The following DPYD variants were observed in gnomAD, a reference collection of about 807,000 sequenced individuals.
The protein encoded by DPYD is dihydropyrimidine dehydrogenase [NADP(+)].
DPYD carries 109 observed loss-of-function variants against 116.2 expected under a neutral mutation model. The ratio of observed to expected loss-of-function variants is 0.94; its 90% CI spans 0.80 to 1.10. DPYD has a LOEUF of 1.10. Among genes scored for constraint, DPYD ranks in the 50% least tolerant of loss-of-function variants. The pLI, the probability that DPYD is intolerant of heterozygous loss-of-function variation, is 0.00. For synonymous variants in DPYD, 440 were observed against 432.0 expected, an observed-to-expected ratio of 1.02 and a Z score of -0.23; for missense variants, 1,302 against 1,254.5, an observed-to-expected ratio of 1.04 and a Z score of -0.57.
intron 11 of DPYD, among the ~76,000 whole-genome samples, chr1:97,563,383 C>T (rs575398006): frequency 1.3e-5 from 2 of 152,268 alleles, no homozygotes; most frequent in African/African-American, 4.8e-5. Context: ...ACATTAAATA[C>T]ATCTATTACA....
At chr1:97,374,718 GAAAAAAAAAAAAAAAAA>G (rs144889184) in intron 15 of DPYD, among the ~76,000 whole-genome samples, 2 of 52,610 alleles carry the variant, frequency 3.8e-5, no homozygotes, top group African/African-American at 1.0e-4. Context: ...CTCCGTCTCA[GAAAAAAAAAAAAAAAAA>G]AAAAAAAAAA....
At chr1:97,373,719 C>A in intron 15 of DPYD, 75 bp from the exon 16 acceptor site, 1 of 1,274,586 alleles carries the variant, frequency 7.8e-7, no homozygotes, top group South Asian at 1.2e-5. Context: ...CCGTTGATAA[C>A]ACAAGTCACA....
chr1:97,484,458 T>C (rs972252059), intron 13 of DPYD, among the ~76,000 whole-genome samples: 3 of 152,366 alleles, frequency 2.0e-5, no homozygotes, highest in African/African-American at 7.2e-5. Context: ...CCTAAATCCA[T>C]GTTTAGAAAT....
chr1:97,111,553 G>A (rs1428294351), intron 20 of DPYD, among the ~76,000 whole-genome samples: 1 of 151,764 alleles, frequency 6.6e-6, no homozygotes, highest in Non-Finnish European at 1.5e-5. Context: ...TTAGGACTCA[G>A]ATAAAATGTC....
chr1:97,868,966 C>A (rs1343378305), intron 2 of DPYD, among the ~76,000 whole-genome samples: 1 of 151,784 alleles, frequency 6.6e-6, no homozygotes. Context: ...GCAAAACTCT[C>A]CCTACACAAA....
intron 4 of DPYD, among the ~76,000 whole-genome samples, chr1:97,737,074 C>A (rs943227780): frequency 1.3e-5 from 2 of 152,106 alleles, no homozygotes; most frequent in Non-Finnish European, 2.9e-5. Context: ...TATCTACTTT[C>A]CGTTTCTATA....
chr1:97,171,792 G>A (rs1014966870), intron 20 of DPYD, among the ~76,000 whole-genome samples: 1 of 152,098 alleles, frequency 6.6e-6, no homozygotes, highest in African/African-American at 2.4e-5. Flanking sequence ...CTCATAAACT[G>A]ATTCTAACAG....
rs553143061 is a variant in DPYD, at chr1:97,638,218, C to T, written c.850+40877G>A. Among the ~76,000 whole-genome samples the T allele has an allele frequency of 2.0e-5, 3 of 152,210 alleles. No individual in the cohort carries two copies. In the South Asian group the frequency reaches 6.2e-4, roughly 32 times the overall value. On this transcript the variant is annotated intron_variant, in intron 8 of 22. Coordinates refer to ENST00000370192, the MANE Select transcript of DPYD (RefSeq NM_000110.4). ...AATGTACATACAGTGAGGGTAAAAA[C>T]CCTCACTGTCAGCTCAGCATACCAG...
At chr1:97,299,469 C>T (rs28478258) in intron 18 of DPYD, among the ~76,000 whole-genome samples, 2 of 151,934 alleles carry the variant, frequency 1.3e-5, no homozygotes, top group African/African-American at 4.8e-5. Context: ...TATCCAGGTA[C>T]CCATGAATTT....
chr1:97,566,114 C>T (rs1652502793), intron 11 of DPYD, among the ~76,000 whole-genome samples: 1 of 152,162 alleles, frequency 6.6e-6, no homozygotes, highest in African/African-American at 2.4e-5. Flanking sequence ...CAATTTACAA[C>T]CCACTTCCTC....
Position 97,555,973 on chromosome 1 carries a change from C to T in DPYD, c.1340-6229G>A, listed in dbSNP as rs117477187. Among the ~76,000 whole-genome samples the T allele has an allele frequency of 5.7e-4, 87 of 152,342 alleles. 1 individual carries two copies. The East Asian group carries it at 0.016, about 28-fold the overall frequency. On this transcript the variant is annotated intron_variant, in intron 11 of 22. Transcript: ENST00000370192. ...ATCTGCATTTGACTCCAAAGCTTCA[C>T]TAAACCTCTTTTCACTGATATGATT...
chr1:97,462,857 A>T lies in DPYD; in HGVS notation c.1741-12634T>A, dbSNP rs147810669. 3.3e-5 allele frequency among the ~76,000 whole-genome samples: 5 copies of T among 152,270 alleles called. No homozygotes were observed. In the East Asian group the frequency reaches 9.7e-4, roughly 29 times the overall value. On this transcript the variant is annotated intron_variant, in intron 13 of 22. Transcript: ENST00000370192. ...TAACTAAGAGTCTGGCATATTTTTAAGTCTGACAAGGAACATTTACAATCT... is the reference window on the plus strand; with the variant it reads ...TAACTAAGAGTCTGGCATATTTTTATGTCTGACAAGGAACATTTACAATCT...
chr1:97,196,936 A>G (rs1658859828), intron 19 of DPYD, among the ~76,000 whole-genome samples: 1 of 152,216 alleles, frequency 6.6e-6, no homozygotes. Context: ...GAAAAAATCC[A>G]CACTTTTAGA....
chr1:97,329,185 A>C (rs1363346160), intron 16 of DPYD, among the ~76,000 whole-genome samples: 1 of 152,186 alleles, frequency 6.6e-6, no homozygotes, highest in Non-Finnish European at 1.5e-5. Flanking sequence ...TGAGCATTAC[A>C]AAAAGATATT....
intron 20 of DPYD, among the ~76,000 whole-genome samples, chr1:97,102,252 T>C (rs1217800213): frequency 6.6e-6 from 1 of 151,548 alleles, no homozygotes; most frequent in Non-Finnish European, 1.5e-5. Flanking sequence ...AGTACTGTAA[T>C]GGATCAACTT....
chr1:97,687,704 T>C (rs1479239908), intron 7 of DPYD, among the ~76,000 whole-genome samples: 1 of 152,052 alleles, frequency 6.6e-6, no homozygotes, highest in Non-Finnish European at 1.5e-5. Context: ...TTATTCACAA[T>C]AGCAAAGACA....
At chr1:97,614,034 T>G (rs1007932091) in intron 8 of DPYD, among the ~76,000 whole-genome samples, 1 of 152,048 alleles carries the variant, frequency 6.6e-6, no homozygotes, top group Admixed American at 6.6e-5. Context: ...CTGAAAAATT[T>G]TATATAGCAG....
At chr1:97,236,548 T>C (rs114511454) in intron 18 of DPYD, among the ~76,000 whole-genome samples, 1 of 152,088 alleles carries the variant, frequency 6.6e-6, no homozygotes, top group African/African-American at 2.4e-5. Context: ...TCAGTGGTAG[T>C]AAGGAGCGAA....
At chr1:97,720,299 T>C in intron 5 of DPYD, 1 of 985,514 alleles carries the variant, frequency 1.0e-6, no homozygotes, top group Non-Finnish European at 1.2e-6. Flanking sequence ...TTTCACTTAC[T>C]GCATCTGTGA....
Sources: gnomAD v4.1 joint callset for allele counts (sites outside exome capture counted in the v4.1 genomes callset) on GRCh38, gnomAD v4.1.1 for gene constraint, MANE v1.5 for transcripts, NCBI Gene and HGNC (gene_info 2026-07-23, HGNC 2026-07-21) for gene names.